The following ENOX2 variants were observed in gnomAD, a reference collection of about 807,000 sequenced individuals.
ENOX2 encodes the protein ecto-NOX disulfide-thiol exchanger 2, also known as APK1 antigen.
ENOX2 carries 36 observed loss-of-function variants against 45.0 expected under a neutral mutation model. The observed-to-expected ratio is 0.80, with a 90% CI of 0.61 to 1.06. The LOEUF (loss-of-function observed/expected upper bound fraction) is 1.06. Among genes scored for constraint, ENOX2 ranks in the 50% least tolerant of loss-of-function variants. The probability of loss-of-function intolerance (pLI) is 0.00; values close to 1 mark genes in which losing one functional copy is unlikely to be tolerated. For synonymous variants in ENOX2, 174 were observed against 152.3 expected (o/e 1.14, Z -1.05); for missense variants, 423 against 462.5 (o/e 0.91, Z 0.78).
chrX:130,841,817 T>A (rs1283863961), intron 2 of ENOX2, among the ~76,000 whole-genome samples: 3 of 111,955 alleles, frequency 2.7e-5, no homozygotes, highest in African/African-American at 9.8e-5. Flanking sequence ...AAGAAGAAGA[T>A]AATAGTGCAT....
chrX:130,631,845 C>G (rs1337525364), intron 12 of ENOX2, among the ~76,000 whole-genome samples: 2 of 96,665 alleles, frequency 2.1e-5, no homozygotes, highest in East Asian at 7.1e-4. Flanking sequence ...TGACTTTATA[C>G]AAGCAATCTG....
At chrX:130,851,667 T>A (rs956784416) in intron 2 of ENOX2, among the ~76,000 whole-genome samples, 2 of 111,764 alleles carry the variant, frequency 1.8e-5, no homozygotes, top group Admixed American at 1.9e-4. Flanking sequence ...TCCTTTTCTC[T>A]GTTCTAACAA....
chrX:130,743,304 G>T (rs2039026739), intron 3 of ENOX2, among the ~76,000 whole-genome samples: 1 of 111,589 alleles, frequency 9.0e-6, no homozygotes, highest in South Asian at 3.8e-4. Context: ...ATATACCTCA[G>T]GCTGTATTAT....
At chrX:130,790,624 T>TAC (rs768498771) in intron 2 of ENOX2, among the ~76,000 whole-genome samples, 1 of 112,582 alleles carries the variant, frequency 8.9e-6, no homozygotes, top group South Asian at 3.7e-4. Context: ...AAAATGGAAC[T>TAC]ACAGCATTCA....
chrX:130,668,067 G>A (rs1338444699), intron 7 of ENOX2, among the ~76,000 whole-genome samples: 1 of 109,154 alleles, frequency 9.2e-6, no homozygotes, highest in Non-Finnish European at 1.9e-5. Flanking sequence ...TTGTGTGTGT[G>A]TGTGTGTGTG....
At chrX:130,897,111 G>A (rs1372059659) in intron 2 of ENOX2, among the ~76,000 whole-genome samples, 2 of 111,935 alleles carry the variant, frequency 1.8e-5, no homozygotes, top group Non-Finnish European at 3.8e-5. Flanking sequence ...GAGACACATT[G>A]TTTCTTGTAC....
At chrX:130,728,896 C>T (rs141693891) in intron 3 of ENOX2, among the ~76,000 whole-genome samples, 175 of 111,493 alleles carry the variant, frequency 1.6e-3, no homozygotes, top group East Asian at 9.3e-3. Context: ...AGTTAGAACA[C>T]GTGTGGCCTT....
intron 5 of ENOX2, among the ~76,000 whole-genome samples, chrX:130,686,095 G>C (rs1272580477): frequency 9.0e-6 from 1 of 111,265 alleles, no homozygotes; most frequent in Non-Finnish European, 1.9e-5. Flanking sequence ...GCCATTGAGT[G>C]TAAGAGAATA....
chrX:130,687,975 G>T (rs948822985), intron 5 of ENOX2, among the ~76,000 whole-genome samples: 1 of 111,819 alleles, frequency 8.9e-6, no homozygotes, highest in Non-Finnish European at 1.9e-5. Context: ...ATCCTGATAA[G>T]GCAAGGTCAT....
chrX:130,646,859 G>A (rs1201680285), intron 10 of ENOX2, among the ~76,000 whole-genome samples: 7 of 112,454 alleles, frequency 6.2e-5, no homozygotes, highest in Non-Finnish European at 1.1e-4. Context: ...CCTTCACCCA[G>A]ATAAAATGTT....
chrX:130,657,034 T>A (rs1176021874), intron 9 of ENOX2, among the ~76,000 whole-genome samples: 1 of 111,761 alleles, frequency 8.9e-6, no homozygotes, highest in Non-Finnish European at 1.9e-5. Flanking sequence ...TCTGCCATTT[T>A]CACCTCCCCA....
intron 2 of ENOX2, among the ~76,000 whole-genome samples, chrX:130,790,937 A>C (rs1389834276): frequency 8.9e-6 from 1 of 112,086 alleles, no homozygotes; most frequent in Non-Finnish European, 1.9e-5. Context: ...ACAAGGAATG[A>C]GAAACTTACA....
chrX:130,648,853 T>G (rs2036318029), intron 10 of ENOX2, among the ~76,000 whole-genome samples: 2 of 107,432 alleles, frequency 1.9e-5, no homozygotes, highest in Admixed American at 2.0e-4. Context: ...ATTGAGACCA[T>G]TCTGGCCAAC....
At chrX:130,796,247 A>G (rs1392342054) in intron 2 of ENOX2, among the ~76,000 whole-genome samples, 1 of 111,696 alleles carries the variant, frequency 9.0e-6, no homozygotes, top group African/African-American at 3.3e-5. Context: ...GTATAATTGG[A>G]TCTGGGAGTT....
intron 2 of ENOX2, among the ~76,000 whole-genome samples, chrX:130,883,098 TTTTTG>T (rs958102455): frequency 4.5e-5 from 5 of 111,744 alleles, no homozygotes; most frequent in Admixed American, 3.8e-4. Context: ...GTTAGTTTGT[TTTTTG>T]TTTTGTTTTG....
intron 4 of ENOX2, among the ~76,000 whole-genome samples, chrX:130,695,961 C>G (rs958019052): frequency 1.8e-5 from 2 of 111,726 alleles, no homozygotes; most frequent in Non-Finnish European, 3.8e-5. Flanking sequence ...TCTCACCAGC[C>G]CTCTTGGAGG....
At chrX:130,712,023 G>A (rs1481712299) in intron 3 of ENOX2, among the ~76,000 whole-genome samples, 1 of 111,559 alleles carries the variant, frequency 9.0e-6, no homozygotes, top group Admixed American at 9.5e-5. Flanking sequence ...TACAGGACTT[G>A]GAGCCAGATA....
intron 2 of ENOX2, among the ~76,000 whole-genome samples, chrX:130,794,452 C>G (rs772486632): frequency 5.3e-5 from 6 of 112,647 alleles, no homozygotes; most frequent in African/African-American, 1.9e-4. Flanking sequence ...TGAAAACTAG[C>G]TTGTCAGCCA....
intron 10 of ENOX2, among the ~76,000 whole-genome samples, chrX:130,654,923 T>C (rs766555776): frequency 1.3e-4 from 15 of 112,030 alleles, no homozygotes; most frequent in African/African-American, 4.9e-4. Flanking sequence ...GTCTCCCATA[T>C]ACCCCTCTCC....
Sources: gnomAD v4.1 joint callset for allele counts (sites outside exome capture counted in the v4.1 genomes callset) on GRCh38, gnomAD v4.1.1 for gene constraint, MANE v1.5 for transcripts, NCBI Gene and HGNC (gene_info 2026-07-23, HGNC 2026-07-21) for gene names.